The following PRELID2 variants were observed in gnomAD, a reference collection of about 807,000 sequenced individuals.
The protein encoded by PRELID2 is PRELI domain containing 2.
In PRELID2, 25 loss-of-function variants were observed where a neutral mutation model predicts 28.4. The ratio of observed to expected loss-of-function variants is 0.88; its 90% CI spans 0.64 to 1.23. PRELID2 has a LOEUF of 1.23. PRELID2 is among the 50% of genes most tolerant of loss of function. The pLI is 0.00. For missense variants in PRELID2, 201 were observed against 214.4 expected, an observed-to-expected ratio of 0.94 and a Z score of 0.39; for synonymous variants, 76 against 71.6, an observed-to-expected ratio of 1.06 and a Z score of -0.31.
chr5:145,417,492 C>T, the PRELID2 span, among the ~76,000 whole-genome samples: 1 of 151,998 alleles, frequency 6.6e-6, no homozygotes, highest in Non-Finnish European at 1.5e-5. Context: ...CAATGCAAAA[C>T]TTCTCAATAA....
At chr5:145,448,179 T>C in the PRELID2 span, among the ~76,000 whole-genome samples, 1 of 151,784 alleles carries the variant, frequency 6.6e-6, no homozygotes, top group Non-Finnish European at 1.5e-5. Context: ...TGGTGTGAGA[T>C]GGTATCTCAT....
At chr5:145,786,660 T>C (rs903102033) in intron 5 of PRELID2, among the ~76,000 whole-genome samples, 1 of 152,214 alleles carries the variant, frequency 6.6e-6, no homozygotes, top group Admixed American at 6.5e-5. Flanking sequence ...TACATATGTG[T>C]TGTTTCAAGC....
chr5:145,812,998 G>A (rs1010089887), intron 4 of PRELID2, among the ~76,000 whole-genome samples: 30 of 152,156 alleles, frequency 2.0e-4, no homozygotes. Context: ...GCCAAAATCA[G>A]ATCTATGTAA....
intron 1 of PRELID2, among the ~76,000 whole-genome samples, chr5:145,729,639 T>A (rs1403031511): frequency 1.3e-5 from 2 of 152,220 alleles, no homozygotes. Flanking sequence ...CCCACTGAGC[T>A]TCTTTCAGTC....
At chr5:145,525,364 T>C (rs942855171) in intron 1 of PRELID2, among the ~76,000 whole-genome samples, 2 of 152,182 alleles carry the variant, frequency 1.3e-5, no homozygotes, top group African/African-American at 2.4e-5. Flanking sequence ...ACACACACCC[T>C]TGTTCTCCAA....
the PRELID2 span, among the ~76,000 whole-genome samples, chr5:145,449,132 G>C: frequency 2.1e-4 from 32 of 152,228 alleles, no homozygotes; most frequent in Non-Finnish European, 3.1e-4. Flanking sequence ...TATTGGTTCT[G>C]AAAGCCCCAG....
chr5:145,720,262 G>A lies in PRELID2; in HGVS notation n.70+44669C>T, dbSNP rs571061097. ...TACTAAATGGGCCCACCAGATACTT[G>A]AGAAAATTCACCCTCAGTAGTCAAC... On this transcript the variant is annotated intron_variant and non_coding_transcript_variant, in intron 1 of 2. Coordinates refer to the PRELID2 transcript ENST00000510259. Among the ~76,000 whole-genome samples, 19 of 151,620 alleles carry A rather than the reference G, an allele frequency of 1.3e-4. No individual in the cohort carries two copies. In the South Asian group the frequency reaches 4.0e-3, roughly 32 times the overall value.
chr5:145,616,191 T>C (rs1467065167), intron 1 of PRELID2, among the ~76,000 whole-genome samples: 1 of 152,218 alleles, frequency 6.6e-6, no homozygotes, highest in Non-Finnish European at 1.5e-5. Context: ...TCATCTTAAC[T>C]TTACATAACC....
chr5:145,740,597 A>G (rs1756649130), intron 1 of PRELID2, among the ~76,000 whole-genome samples: 2 of 5,724 alleles, frequency 3.5e-4, no homozygotes, highest in Admixed American at 5.2e-3. Flanking sequence ...ATATAAATAT[A>G]TATATATTAT....
At chr5:145,290,250 G>GTA in the PRELID2 span, among the ~76,000 whole-genome samples, 1 of 152,078 alleles carries the variant, frequency 6.6e-6, no homozygotes, top group African/African-American at 2.4e-5. Flanking sequence ...CCATTACTGA[G>GTA]TATACACCCA....
Position 145,583,502 on chromosome 5 carries a change from T to C in PRELID2, n.71-110187A>G, listed in dbSNP as rs576510007. On this transcript the variant is annotated intron_variant and non_coding_transcript_variant, in intron 1 of 2. Coordinates refer to the PRELID2 transcript ENST00000510259. ...AATAGAAAGAGAGGACATCAAATTA[T>C]CTTTGTTTGCAGATGACATGATTCT... 7.3e-4 allele frequency among the ~76,000 whole-genome samples: 111 copies of C among 152,284 alleles called. 2 individuals are homozygous for C. Among genetic ancestry groups the C allele is most frequent in the African/African-American group, 2.6e-3 (110 of 41,566 alleles).
chr5:145,258,829 A>G, the PRELID2 span, among the ~76,000 whole-genome samples: 72 of 152,284 alleles, frequency 4.7e-4, 1 homozygote, highest in African/African-American at 1.6e-3. Context: ...AGCCAAGACA[A>G]TGGAGAAGAG....
the PRELID2 span, among the ~76,000 whole-genome samples, chr5:145,236,789 T>C: frequency 1.4e-4 from 22 of 152,254 alleles, no homozygotes; most frequent in Non-Finnish European, 2.4e-4. Context: ...TCTTCCTACA[T>C]GCCTTCCACA....
intron 5 of PRELID2, among the ~76,000 whole-genome samples, chr5:145,792,769 G>T (rs929734727): frequency 6.6e-6 from 1 of 152,110 alleles, no homozygotes; most frequent in African/African-American, 2.4e-5. Flanking sequence ...TGTTAAAGAA[G>T]TATGTGGCAG....
At chr5:145,813,853 T>C (rs1266624695) in intron 4 of PRELID2, among the ~76,000 whole-genome samples, 1 of 152,190 alleles carries the variant, frequency 6.6e-6, no homozygotes, top group African/African-American at 2.4e-5. Context: ...AAATATAAAA[T>C]GCATACAACC....
chr5:145,799,568 A>G (rs1477982151), intron 4 of PRELID2, among the ~76,000 whole-genome samples: 1 of 152,166 alleles, frequency 6.6e-6, no homozygotes, highest in African/African-American at 2.4e-5. Context: ...GAAAACCACA[A>G]GGACCCAGGT....
the PRELID2 span, among the ~76,000 whole-genome samples, chr5:145,259,264 T>C: frequency 6.6e-6 from 1 of 152,044 alleles, no homozygotes; most frequent in African/African-American, 2.4e-5. Context: ...CTACACAGAG[T>C]TCCCACTGGG....
chr5:145,377,980 G>C, the PRELID2 span, among the ~76,000 whole-genome samples: 1 of 152,120 alleles, frequency 6.6e-6, no homozygotes, highest in Non-Finnish European at 1.5e-5. Context: ...TTGTAAGGCA[G>C]TTCTGGTGAT....
intron 1 of PRELID2, among the ~76,000 whole-genome samples, chr5:145,729,669 C>T (rs1219285021): frequency 5.9e-5 from 9 of 152,224 alleles, no homozygotes; most frequent in Non-Finnish European, 8.8e-5. Context: ...TGTCCGTTGA[C>T]GATGCGTCCT....
Sources: allele counts gnomAD v4.1 joint callset (sites outside exome capture counted in the v4.1 genomes callset), GRCh38; gene constraint gnomAD v4.1.1; transcripts MANE v1.5; gene names NCBI Gene and HGNC (gene_info 2026-07-23, HGNC 2026-07-21).